Variants in PPT1 observed in about 807,000 individuals in gnomAD.
PPT1 encodes palmitoyl-protein thioesterase 1, also known as ceroid-palmitoyl-palmitoyl-protein thioesterase 1.
In PPT1, 24 loss-of-function variants were observed where a neutral mutation model predicts 44.0. The ratio of observed to expected loss-of-function variants is 0.54; its 90% CI spans 0.39 to 0.77. The LOEUF is 0.77. PPT1 is among the 30% of genes least tolerant of loss of function. PPT1 has a pLI of 0.00. For synonymous variants in PPT1, 148 were observed against 140.2 expected, an observed-to-expected ratio of 1.06 and a Z score of -0.39; for missense variants, 341 against 378.8, an observed-to-expected ratio of 0.90 and a Z score of 0.83.
At chr1:40,081,186 T>C (rs1346750023) in intron 5 of PPT1, among the ~76,000 whole-genome samples, 1 of 152,146 alleles carries the variant, frequency 6.6e-6, no homozygotes, top group Admixed American at 6.5e-5. Context: ...GGGGTGGGTC[T>C]TTCCTGTGCT....
At chr1:40,087,147 G>A (rs1167300800) in intron 5 of PPT1, among the ~76,000 whole-genome samples, 1 of 151,982 alleles carries the variant, frequency 6.6e-6, no homozygotes, top group Non-Finnish European at 1.5e-5. Flanking sequence ...CTCTGCCCTT[G>A]TGGGTTTATC....
intron 8 of PPT1, among the ~76,000 whole-genome samples, chr1:40,075,477 C>CTTTTTT (rs5773686): frequency 1.4e-5 from 2 of 144,702 alleles, no homozygotes; most frequent in Non-Finnish European, 1.5e-5. Context: ...TTTCTCAAGC[C>CTTTTTT]TTTTTTTTTT....
chr1:40,089,547 A>G, intron 4 of PPT1, 35 bp from the exon 5 acceptor site: 2 of 1,468,234 alleles, frequency 1.4e-6, no homozygotes, highest in African/African-American at 2.8e-5. Context: ...CACTCCTTCA[A>G]TAATGATGTA....
intron 5 of PPT1, chr1:40,082,198 GT>G (rs1240233210): frequency 6.6e-6 from 1 of 152,186 alleles, no homozygotes; most frequent in Non-Finnish European, 1.5e-5. Context: ...CGTAGCCAGA[GT>G]GGAAGAGCTG....
chr1:40,082,384 C>T (rs1648991636), intron 5 of PPT1: 1 of 151,414 alleles, frequency 6.6e-6, no homozygotes, highest in African/African-American at 2.4e-5. Flanking sequence ...GTATTTGAAA[C>T]CTTTTAAAGG....
At chr1:40,076,300 C>T (rs1648625697) in intron 8 of PPT1, among the ~76,000 whole-genome samples, 1 of 151,944 alleles carries the variant, frequency 6.6e-6, no homozygotes, top group Non-Finnish European at 1.5e-5. Flanking sequence ...CTCCATCTCT[C>T]CTAAAAATAC....
chr1:40,076,063 T>A (rs939591464), intron 8 of PPT1, among the ~76,000 whole-genome samples: 1 of 149,024 alleles, frequency 6.7e-6, no homozygotes, highest in African/African-American at 2.5e-5. Context: ...ATACAGGACC[T>A]ACTGCTAAAC....
At chr1:40,096,410 G>C (rs986344346) in intron 1 of PPT1, among the ~76,000 whole-genome samples, 1 of 152,072 alleles carries the variant, frequency 6.6e-6, no homozygotes, top group Non-Finnish European at 1.5e-5. Flanking sequence ...ATGAATATAG[G>C]TTGAGCATCC....
intron 4 of PPT1, 81 bp from the exon 5 acceptor site, chr1:40,089,593 C>T: frequency 9.9e-7 from 1 of 1,010,528 alleles, no homozygotes; most frequent in Non-Finnish European, 1.6e-6. Flanking sequence ...CTGTGAGAAA[C>T]AAAATGAACA....
At chr1:40,093,122 C>T (rs57376248) in intron 1 of PPT1, among the ~76,000 whole-genome samples, 6,261 of 152,142 alleles carry the variant, frequency 0.041, 420 homozygotes, top group African/African-American at 0.14. Context: ...AGAAACAATC[C>T]AGCAGTCCAT....
intron 1 of PPT1, chr1:40,096,780 C>T: frequency 2.9e-6 from 1 of 345,484 alleles, no homozygotes. Flanking sequence ...AGGGTAGATG[C>T]GCCAGTCATA....
At chr1:40,079,391 CCTTT>C (rs1648804903) in intron 6 of PPT1, among the ~76,000 whole-genome samples, 4 of 95,186 alleles carry the variant, frequency 4.2e-5, no homozygotes, top group South Asian at 3.8e-4. Flanking sequence ...CTTTTCTTTT[CCTTT>C]TTTTTTTTTT....
rs576973342 is a variant in PPT1, at chr1:40,086,823, G to C, written c.536+2587C>G. ...AGAAGCAACAATGGCACTGGAGAGA[G>C]AATACCCTGGCTCCTCATGGCTCCC... On this transcript the variant is annotated intron_variant, in intron 5 of 8. Transcript: ENST00000642050. Among the ~76,000 whole-genome samples the C allele has an allele frequency of 3.3e-5, 5 of 152,140 alleles. No homozygotes were observed. The South Asian group carries it at 1.0e-3, about 32-fold the overall frequency.
At position 40,094,787 on chromosome 1, in the gene PPT1, T is replaced by C. The variant is rs540398869; in HGVS notation, c.125-2280A>G. On this transcript the variant is annotated intron_variant, in intron 1 of 8. Coordinates refer to ENST00000642050, the MANE Select transcript of PPT1 (RefSeq NM_000310.4). ...AGGCTACTGCCTAGAGAATTGTCTA[T>C]TCCTTTTATTTCTCTGAAAACAACG... 1.1e-4 allele frequency among the ~76,000 whole-genome samples: 16 copies of C among 152,338 alleles called. No individual in the cohort carries two copies. In the East Asian group the frequency reaches 3.1e-3, roughly 29 times the overall value.
chr1:40,086,628 T>C (rs1461859576), intron 5 of PPT1, among the ~76,000 whole-genome samples: 2 of 152,150 alleles, frequency 1.3e-5, no homozygotes, highest in African/African-American at 4.8e-5. Flanking sequence ...AGCTGGGGCA[T>C]GGTCCCTTCC....
intron 5 of PPT1, among the ~76,000 whole-genome samples, chr1:40,084,357 C>T (rs1224719078): frequency 1.3e-5 from 2 of 152,092 alleles, no homozygotes; most frequent in Non-Finnish European, 2.9e-5. Context: ...ACTGATGAAA[C>T]GACAACAAAG....
At chr1:40,088,143 CTTTT>C (rs869306144) in intron 5 of PPT1, among the ~76,000 whole-genome samples, 3 of 139,718 alleles carry the variant, frequency 2.1e-5, no homozygotes, top group Non-Finnish European at 1.6e-5. Context: ...ACCATCAAAA[CTTTT>C]TTTTTTTTTT....
At position 40,083,730 on chromosome 1, in the gene PPT1, G is replaced by A. The variant is rs149180960; in HGVS notation, c.537-3243C>T. Among the ~76,000 whole-genome samples, 20 of 152,124 alleles carry A rather than the reference G, an allele frequency of 1.3e-4. No homozygotes were observed. The East Asian group carries it at 3.1e-3, about 24-fold the overall frequency. On this transcript the variant is annotated intron_variant, in intron 5 of 8. Transcript: ENST00000642050. ...TTTGATGCATCTGGGCAAAGTAAAC[G>A]GAAAACCTGATGGAAAGGATTTATC... is the stretch of plus-strand genomic sequence containing the variant.
At chr1:40,071,966 G>T, downstream of PPT1, 2 of 408,312 alleles carry the variant, frequency 4.9e-6, no homozygotes, top group Non-Finnish European at 8.7e-6. Context: ...GTTTCCAGAT[G>T]GTTCTTCTAA....
Sources: gnomAD v4.1 joint callset for allele counts (sites outside exome capture counted in the v4.1 genomes callset) on GRCh38, gnomAD v4.1.1 for gene constraint, MANE v1.5 for transcripts, NCBI Gene and HGNC (gene_info 2026-07-23, HGNC 2026-07-21) for gene names.